The following MAN1A1 variants were observed in gnomAD, a reference collection of about 807,000 sequenced individuals.
The protein encoded by MAN1A1 is mannosyl-oligosaccharide 1,2-alpha-mannosidase IA.
Under a neutral mutation model 70.8 loss-of-function variants are expected in MAN1A1, and 29 were observed. The ratio of observed to expected loss-of-function variants is 0.41; its 90% CI spans 0.31 to 0.56. The LOEUF is 0.56. MAN1A1 is among the 20% of genes least tolerant of loss of function. The pLI, the probability that MAN1A1 is intolerant of heterozygous loss-of-function variation, is 0.29. For missense variants in MAN1A1, 747 were observed against 841.3 expected, an observed-to-expected ratio of 0.89 and a Z score of 1.39; for synonymous variants, 349 against 330.1, an observed-to-expected ratio of 1.06 and a Z score of -0.62.
intron 2 of MAN1A1, among the ~76,000 whole-genome samples, chr6:119,330,765 C>T (rs539563612): frequency 4.5e-4 from 68 of 152,262 alleles, no homozygotes; most frequent in African/African-American, 1.5e-3. Flanking sequence ...TCCTATCCTG[C>T]GGCCCTCTTC....
At chr6:119,332,342 T>C (rs1355737055) in intron 2 of MAN1A1, among the ~76,000 whole-genome samples, 1 of 152,150 alleles carries the variant, frequency 6.6e-6, no homozygotes, top group South Asian at 2.1e-4. Context: ...ACACATTCTA[T>C]TAGGAGAAAA....
chr6:119,312,771 C>A (rs1261831152), intron 2 of MAN1A1, among the ~76,000 whole-genome samples: 1 of 152,154 alleles, frequency 6.6e-6, no homozygotes, highest in African/African-American at 2.4e-5. Context: ...AACAAATGCA[C>A]CACTGTGGGT....
At chr6:119,261,786 A>G (rs1274150766) in intron 5 of MAN1A1, among the ~76,000 whole-genome samples, 1 of 152,202 alleles carries the variant, frequency 6.6e-6, no homozygotes, top group African/African-American at 2.4e-5. Context: ...TGTACATTAC[A>G]TGTATATGTT....
At chr6:119,220,553 A>T (rs772706582) in intron 6 of MAN1A1, among the ~76,000 whole-genome samples, 2 of 152,234 alleles carry the variant, frequency 1.3e-5, no homozygotes, top group African/African-American at 4.8e-5. Flanking sequence ...AAATGAGGAC[A>T]CTACAAGTAA....
intron 11 of MAN1A1, among the ~76,000 whole-genome samples, chr6:119,186,437 A>G (rs534260278): frequency 7.9e-5 from 12 of 152,320 alleles, no homozygotes; most frequent in Non-Finnish European, 1.8e-4. Flanking sequence ...ACAGGGACAG[A>G]AGAGCCAATG....
At chr6:119,267,584 T>C (rs1196332520) in intron 5 of MAN1A1, among the ~76,000 whole-genome samples, 1 of 152,138 alleles carries the variant, frequency 6.6e-6, no homozygotes, top group Non-Finnish European at 1.5e-5. Context: ...TATAGCCTAG[T>C]GTAACATTAT....
At chr6:119,338,069 T>TAAA (rs61463278) in intron 2 of MAN1A1, among the ~76,000 whole-genome samples, 712 of 139,734 alleles carry the variant, frequency 5.1e-3, no homozygotes, top group Non-Finnish European at 5.9e-3. Context: ...GCTAGTTGAC[T>TAAA]AAAAAAAAAA....
intron 6 of MAN1A1, among the ~76,000 whole-genome samples, chr6:119,224,814 C>T (rs1425282729): frequency 6.6e-6 from 1 of 152,046 alleles, no homozygotes; most frequent in Non-Finnish European, 1.5e-5. Context: ...AAACAGTAAA[C>T]TTGAAGATAT....
intron 5 of MAN1A1, among the ~76,000 whole-genome samples, chr6:119,284,421 C>T (rs964119936): frequency 4.0e-4 from 61 of 152,292 alleles, no homozygotes; most frequent in African/African-American, 1.5e-3. Flanking sequence ...AAGTGAAAAA[C>T]ATGGTTCTTA....
At chr6:119,330,586 T>C (rs1462496955) in intron 2 of MAN1A1, among the ~76,000 whole-genome samples, 3 of 152,182 alleles carry the variant, frequency 2.0e-5, no homozygotes. Flanking sequence ...AGATTTGATA[T>C]TATTTCTGCA....
intron 11 of MAN1A1, among the ~76,000 whole-genome samples, chr6:119,186,818 G>A (rs1236323126): frequency 1.3e-5 from 2 of 152,134 alleles, no homozygotes; most frequent in Non-Finnish European, 2.9e-5. Flanking sequence ...TGCCTTCGAA[G>A]TCCCAGTTTT....
At chr6:119,316,749 C>T (rs1409855090) in intron 2 of MAN1A1, among the ~76,000 whole-genome samples, 1 of 151,924 alleles carries the variant, frequency 6.6e-6, no homozygotes, top group African/African-American at 2.4e-5. Flanking sequence ...GATTTGTCAA[C>T]CTTATAAAGA....
intron 11 of MAN1A1, 99 bp from the exon 12 acceptor site, chr6:119,180,526 T>A: frequency 1.5e-6 from 1 of 674,248 alleles, no homozygotes; most frequent in South Asian, 1.9e-5. Context: ...AACATTTTTT[T>A]TTTTTGAGAC....
At chr6:119,309,563 A>G (rs1772645257) in intron 2 of MAN1A1, among the ~76,000 whole-genome samples, 1 of 152,180 alleles carries the variant, frequency 6.6e-6, no homozygotes. Context: ...GTAGTCTTTC[A>G]TTAACTTAAT....
At chr6:119,216,265 T>C (rs1774198966) in intron 6 of MAN1A1, among the ~76,000 whole-genome samples, 1 of 152,182 alleles carries the variant, frequency 6.6e-6, no homozygotes, top group Non-Finnish European at 1.5e-5. Flanking sequence ...GTGGGAAGAA[T>C]AGGTTACATA....
intron 2 of MAN1A1, among the ~76,000 whole-genome samples, chr6:119,342,664 T>G (rs1773627360): frequency 6.6e-6 from 1 of 152,170 alleles, no homozygotes; most frequent in Non-Finnish European, 1.5e-5. Context: ...GGTAAGTGCA[T>G]CCCAAAAGAG....
chr6:119,263,767 T>C (rs1042333628), intron 5 of MAN1A1, among the ~76,000 whole-genome samples: 2 of 152,180 alleles, frequency 1.3e-5, no homozygotes, highest in East Asian at 1.9e-4. Context: ...ATCTTTATTA[T>C]ATATTAATGA....
At chr6:119,198,300 G>A (rs1285303915) in intron 8 of MAN1A1, among the ~76,000 whole-genome samples, 3 of 152,192 alleles carry the variant, frequency 2.0e-5, no homozygotes, top group African/African-American at 7.2e-5. Flanking sequence ...TGAGGCAGGA[G>A]AATTGCTTGA....
At chr6:119,312,127 C>A (rs1032319718) in intron 2 of MAN1A1, among the ~76,000 whole-genome samples, 31 of 152,018 alleles carry the variant, frequency 2.0e-4, no homozygotes, top group African/African-American at 7.5e-4. Context: ...TTCTTGGGGA[C>A]ACAAGGGGCT....
Sources: allele counts gnomAD v4.1 joint callset (sites outside exome capture counted in the v4.1 genomes callset), GRCh38; gene constraint gnomAD v4.1.1; transcripts MANE v1.5; gene names NCBI Gene and HGNC (gene_info 2026-07-23, HGNC 2026-07-21).